Variants in SPMAP2 observed in about 807,000 individuals in gnomAD.
SPMAP2 encodes the protein Theg homolog.
chr19:371,248 G>A, the SPMAP2 span: 1 of 1,514,692 alleles, frequency 6.6e-7, no homozygotes, highest in African/African-American at 1.4e-5. Flanking sequence ...AATCTTCGGG[G>A]CGGCCAGTTC....
the SPMAP2 span, chr19:372,489 G>T: frequency 1.3e-6 from 1 of 776,926 alleles, no homozygotes; most frequent in African/African-American, 1.7e-5. Context: ...TGTGGGCTGG[G>T]AAGCAGGCCA....
chr19:371,251 G>A, the SPMAP2 span: 2 of 1,516,054 alleles, frequency 1.3e-6, no homozygotes, highest in Non-Finnish European at 8.9e-7. Context: ...CTTCGGGGCG[G>A]CCAGTTCCTT....
chr19:374,672 C>T, the SPMAP2 span: 3 of 538,148 alleles, frequency 5.6e-6, no homozygotes, highest in African/African-American at 3.8e-5. Flanking sequence ...TCAGCTTCCT[C>T]CTCTGTGAAT....
the SPMAP2 span, chr19:362,316 G>A: frequency 6.2e-7 from 1 of 1,610,154 alleles, no homozygotes; most frequent in African/African-American, 1.3e-5. Flanking sequence ...CGCACTTTGG[G>A]CTTGGCCAGG....
At chr19:365,301 G>A in the SPMAP2 span, among the ~76,000 whole-genome samples, 1 of 152,232 alleles carries the variant, frequency 6.6e-6, no homozygotes, top group African/African-American at 2.4e-5. Context: ...TGCAGGGTAA[G>A]GGGGCCAAGC....
At chr19:375,255 G>C in the SPMAP2 span, among the ~76,000 whole-genome samples, 2 of 152,230 alleles carry the variant, frequency 1.3e-5, no homozygotes, top group East Asian at 3.9e-4. Context: ...TTTTAGCCAC[G>C]TGTGGTGCTT....
chr19:373,690 C>T, the SPMAP2 span, among the ~76,000 whole-genome samples: 24,191 of 151,506 alleles, frequency 0.16, 2,402 homozygotes, highest in Non-Finnish European at 0.22. Flanking sequence ...CGGCGGGACG[C>T]GTGGATTATT....
At chr19:367,677 C>A in the SPMAP2 span, among the ~76,000 whole-genome samples, 2 of 152,206 alleles carry the variant, frequency 1.3e-5, no homozygotes, top group Non-Finnish European at 2.9e-5. Context: ...TTCAGCTGAA[C>A]ACGCGCAGGC....
At chr19:375,579 C>T in the SPMAP2 span, 1 of 1,379,182 alleles carries the variant, frequency 7.3e-7, no homozygotes, top group Non-Finnish European at 9.7e-7. Context: ...TTTCGCCCGC[C>T]CAGGGGGCTG....
At chr19:364,079 A>G in the SPMAP2 span, among the ~76,000 whole-genome samples, 39 of 151,508 alleles carry the variant, frequency 2.6e-4, no homozygotes, top group African/African-American at 8.2e-4. Flanking sequence ...CATGCCTGTA[A>G]TCCCAGCACT....
chr19:372,649 T>C, the SPMAP2 span: 1 of 1,614,052 alleles, frequency 6.2e-7, no homozygotes, highest in South Asian at 1.1e-5. Flanking sequence ...GTTGTAATAT[T>C]CCAGGTAGAA....
chr19:366,909 A>C, the SPMAP2 span, among the ~76,000 whole-genome samples: 1 of 152,126 alleles, frequency 6.6e-6, no homozygotes, highest in Non-Finnish European at 1.5e-5. Flanking sequence ...ACCCTCTCAG[A>C]CAACACCCTC....
chr19:362,559 G>A, the SPMAP2 span: 11 of 604,432 alleles, frequency 1.8e-5, no homozygotes, highest in Non-Finnish European at 3.1e-5. Context: ...CCTGAGGTCA[G>A]GAGTTAGAGA....
the SPMAP2 span, chr19:375,694 T>C: frequency 1.3e-6 from 2 of 1,597,858 alleles, no homozygotes; most frequent in East Asian, 2.3e-5. Flanking sequence ...TCCAAGTCCT[T>C]GTCCAGGACT....
chr19:373,812 C>G, the SPMAP2 span: 25 of 928,098 alleles, frequency 2.7e-5, no homozygotes, highest in Non-Finnish European at 3.7e-5. Context: ...GTGGAGAGCC[C>G]CACATCTGAG....
chr19:373,600 GTC>G, the SPMAP2 span: 1 of 1,522,586 alleles, frequency 6.6e-7, no homozygotes, highest in Admixed American at 1.8e-5. Flanking sequence ...ACAAGCCTGG[GTC>G]TCTGCCAGGA....
the SPMAP2 span, chr19:374,113 G>A: frequency 7.2e-5 from 106 of 1,465,900 alleles, no homozygotes; most frequent in Middle Eastern, 7.1e-4. Context: ...GAGGGCCACC[G>A]TTCCCTAGCC....
chr19:367,028 G>C, the SPMAP2 span: 12 of 1,609,798 alleles, frequency 7.5e-6, no homozygotes, highest in Non-Finnish European at 1.0e-5. Flanking sequence ...ATCTGAACAG[G>C]ACATCAGGAA....
chr19:366,680 G>A, the SPMAP2 span, among the ~76,000 whole-genome samples: 5,245 of 152,230 alleles, frequency 0.034, 224 homozygotes, highest in East Asian at 0.18. Flanking sequence ...CTGGGAAAAC[G>A]ATATAGAAGA....
Sources: allele counts gnomAD v4.1 joint callset (sites outside exome capture counted in the v4.1 genomes callset), GRCh38; gene constraint gnomAD v4.1.1; transcripts MANE v1.5; gene names NCBI Gene and HGNC (gene_info 2026-07-23, HGNC 2026-07-21).